CCR5AS: variants seen among roughly 807,000 people sequenced by gnomAD.
CCR5AS encodes CCR5 antisense RNA.
chr3:46,391,434 T>C (rs540910457), intron 2 of CCR5AS, among the ~76,000 whole-genome samples: 30 of 152,184 alleles, frequency 2.0e-4, no homozygotes, highest in Non-Finnish European at 3.5e-4. Flanking sequence ...TTGGAGCTTT[T>C]TCTAATGTCA....
At chr3:46,390,403 G>A (rs989593047) in intron 2 of CCR5AS, among the ~76,000 whole-genome samples, 8 of 152,158 alleles carry the variant, frequency 5.3e-5, no homozygotes, top group East Asian at 1.9e-4. Context: ...GTTTCTGGAC[G>A]GGTAGGATAG....
intron 2 of CCR5AS, among the ~76,000 whole-genome samples, chr3:46,383,528 C>T (rs556014469): frequency 1.2e-3 from 179 of 152,258 alleles, no homozygotes; most frequent in African/African-American, 4.1e-3. Context: ...TCATACCACG[C>T]GCCTCAGTCT....
rs183662584 is a variant in CCR5AS at position 46,373,218 on chromosome 3, G to A, written n.392-1801C>T. ...AAATACAATGTGTCAACTCTTGACA[G>A]GGCTCTATTTTATAGGCTTCTTCTC... On this transcript the variant is annotated intron_variant and non_coding_transcript_variant, in intron 2 of 3. Transcript: ENST00000451485. 182 of 1,614,174 alleles carry A rather than the reference G, an allele frequency of 1.1e-4. 2 individuals carry two copies. In the East Asian group the frequency reaches 3.8e-3, roughly 34 times the overall value.
At chr3:46,383,159 G>A (rs888006923) in intron 2 of CCR5AS, among the ~76,000 whole-genome samples, 6 of 152,214 alleles carry the variant, frequency 3.9e-5, no homozygotes, top group Admixed American at 6.5e-5. Flanking sequence ...AGGGGCTCAT[G>A]GGTATGAAAT....
At chr3:46,394,144 C>T (rs1701939617) in intron 1 of CCR5AS, among the ~76,000 whole-genome samples, 1 of 152,148 alleles carries the variant, frequency 6.6e-6, no homozygotes, top group African/African-American at 2.4e-5. Flanking sequence ...TTTTAGTTGT[C>T]CCAGCTGAGG....
intron 2 of CCR5AS, among the ~76,000 whole-genome samples, chr3:46,372,320 C>CA (rs1364961292): frequency 6.6e-6 from 1 of 152,042 alleles, no homozygotes; most frequent in Non-Finnish European, 1.5e-5. Context: ...CGCTTGAGCC[C>CA]AGGAGTTCGA....
intron 1 of CCR5AS, among the ~76,000 whole-genome samples, chr3:46,400,164 G>A (rs1431442066): frequency 1.3e-5 from 2 of 151,976 alleles, no homozygotes; most frequent in African/African-American, 4.8e-5. Flanking sequence ...GCTATATTTT[G>A]TACATTTGTA....
chr3:46,376,361 C>T (rs1294252854), intron 2 of CCR5AS, among the ~76,000 whole-genome samples: 1 of 152,024 alleles, frequency 6.6e-6, no homozygotes, highest in Non-Finnish European at 1.5e-5. Flanking sequence ...TTTGTATTTT[C>T]TTTTAAATAA....
At chr3:46,398,806 T>A (rs908753154) in intron 1 of CCR5AS, among the ~76,000 whole-genome samples, 18 of 152,224 alleles carry the variant, frequency 1.2e-4, no homozygotes, top group Non-Finnish European at 2.4e-4. Flanking sequence ...CAAGGCCACT[T>A]GTCTCCTGAT....
intron 1 of CCR5AS, among the ~76,000 whole-genome samples, chr3:46,394,513 G>A (rs1024010234): frequency 5.9e-5 from 9 of 151,994 alleles, no homozygotes; most frequent in Admixed American, 2.0e-4. Context: ...AATGCCCATC[G>A]TGAGTCCCAC....
At chr3:46,399,436 A>G (rs753454003) in intron 1 of CCR5AS, among the ~76,000 whole-genome samples, 1 of 152,210 alleles carries the variant, frequency 6.6e-6, no homozygotes, top group Non-Finnish European at 1.5e-5. Context: ...CAGAGTTTGG[A>G]CAACTAGTGA....
intron 2 of CCR5AS, chr3:46,373,700 G>C: frequency 6.2e-7 from 1 of 1,614,158 alleles, no homozygotes; most frequent in Non-Finnish European, 8.5e-7. Context: ...TCTTTGGCCT[G>C]AATAATTGCA....
intron 1 of CCR5AS, among the ~76,000 whole-genome samples, chr3:46,406,481 C>T (rs11574435): frequency 0.08 from 12,126 of 151,948 alleles, 678 homozygotes; most frequent in Non-Finnish European, 0.12. Flanking sequence ...CATTCCAAAT[C>T]TGGGCTGTTC....
At chr3:46,384,590 G>C (rs905391731) in intron 2 of CCR5AS, among the ~76,000 whole-genome samples, 1 of 152,194 alleles carries the variant, frequency 6.6e-6, no homozygotes, top group African/African-American at 2.4e-5. Flanking sequence ...ATGTTACTGT[G>C]AACAGTGTCG....
chr3:46,405,763 C>A (rs150119749), intron 1 of CCR5AS, among the ~76,000 whole-genome samples: 105 of 152,304 alleles, frequency 6.9e-4, no homozygotes, highest in Non-Finnish European at 1.4e-3. Flanking sequence ...TGTCGGCACA[C>A]GTGGAGTTAA....
At chr3:46,388,197 T>G (rs904719103) in intron 2 of CCR5AS, among the ~76,000 whole-genome samples, 1 of 152,028 alleles carries the variant, frequency 6.6e-6, no homozygotes, top group Non-Finnish European at 1.5e-5. Context: ...CGAAAATTTT[T>G]GGGGGTGGTA....
At chr3:46,395,128 G>T (rs1252258039) in intron 1 of CCR5AS, among the ~76,000 whole-genome samples, 3 of 152,164 alleles carry the variant, frequency 2.0e-5, no homozygotes, top group African/African-American at 7.2e-5. Flanking sequence ...CTCAAGGGAG[G>T]ACTTGGATTA....
chr3:46,395,747 G>A (rs1242340292), intron 1 of CCR5AS, among the ~76,000 whole-genome samples: 1 of 152,210 alleles, frequency 6.6e-6, no homozygotes, highest in Non-Finnish European at 1.5e-5. Flanking sequence ...ACCAGCCTCT[G>A]AAGTTGAAGG....
chr3:46,373,725 T>G, intron 2 of CCR5AS: 1 of 1,614,106 alleles, frequency 6.2e-7, no homozygotes, highest in Non-Finnish European at 8.5e-7. Context: ...CTCTAACAGG[T>G]TGGACCAAGC....
Sources: allele counts gnomAD v4.1 joint callset (sites outside exome capture counted in the v4.1 genomes callset), GRCh38; gene constraint gnomAD v4.1.1; transcripts MANE v1.5; gene names NCBI Gene and HGNC (gene_info 2026-07-23, HGNC 2026-07-21).